Variants in KIF13B observed in about 807,000 individuals in gnomAD.
The protein encoded by KIF13B is kinesin family member 13B.
KIF13B carries 127 observed loss-of-function variants against 222.0 expected under a neutral mutation model. That is an observed-to-expected ratio of 0.57 (90% CI 0.50 to 0.66). The LOEUF is 0.66. Ranked by LOEUF, KIF13B falls within the 30% of genes least tolerant of loss-of-function variation. The pLI is 0.00. For synonymous variants in KIF13B, 976 were observed against 919.0 expected, an observed-to-expected ratio of 1.06 and a Z score of -1.12; for missense variants, 2,173 against 2,379.0, an observed-to-expected ratio of 0.91 and a Z score of 1.80.
chr8:29,249,149 C>T (rs748767682), intron 1 of KIF13B, among the ~76,000 whole-genome samples: 4 of 152,110 alleles, frequency 2.6e-5, no homozygotes, highest in Non-Finnish European at 4.4e-5. Flanking sequence ...TAAGCTCTGC[C>T]GGGCACAGTG....
intron 2 of KIF13B, among the ~76,000 whole-genome samples, chr8:29,242,656 T>C (rs1815832844): frequency 6.6e-6 from 1 of 152,250 alleles, no homozygotes; most frequent in Non-Finnish European, 1.5e-5. Context: ...TAGACTGATC[T>C]GGTGGATTCA....
intron 37 of KIF13B, among the ~76,000 whole-genome samples, chr8:29,080,459 G>A (rs1807758086): frequency 1.3e-5 from 2 of 152,280 alleles, no homozygotes; most frequent in Admixed American, 1.3e-4. Context: ...CCGGGAGGCG[G>A]GCGGGGAGAA....
intron 30 of KIF13B, 21 bp from the exon 31 acceptor site, chr8:29,117,028 A>G (rs1363229866): frequency 2.0e-6 from 3 of 1,534,320 alleles, no homozygotes; most frequent in Admixed American, 2.0e-5. Flanking sequence ...GACAGAGAGG[A>G]AACAGGTTTC....
chr8:29,137,453 T>G (rs1287868878), intron 21 of KIF13B, among the ~76,000 whole-genome samples: 1 of 152,254 alleles, frequency 6.6e-6, no homozygotes, highest in Non-Finnish European at 1.5e-5. Flanking sequence ...CAGGCACGGA[T>G]GCTGCGCCCA....
Position 29,140,636 on chromosome 8 carries a change from C to G in KIF13B, c.2335-19G>C. Reference sequence around the variant, plus strand: ...GTATTACCTGTAAAGAGATTGAGAACACACAACTTCAGAAAAACCATTTAC... The same window carrying G: ...GTATTACCTGTAAAGAGATTGAGAAGACACAACTTCAGAAAAACCATTTAC... On this transcript the variant is annotated intron_variant, in intron 19 of 39. Coordinates refer to ENST00000524189, the MANE Select transcript of KIF13B (RefSeq NM_015254.4). 6.3e-7 allele frequency: 1 copy of G among 1,598,230 alleles called. No individual in the cohort carries two copies. Among genetic ancestry groups the G allele is most frequent in the Non-Finnish European group, 8.5e-7 (1 of 1,170,116 alleles).
Position 29,167,595 on chromosome 8 carries a change from A to G in KIF13B, c.946-10T>C, listed in dbSNP as rs755825670. The G allele has an allele frequency of 8.1e-6, 13 of 1,610,970 alleles. No individual in the cohort carries two copies. The highest frequency in any genetic ancestry group is 3.3e-5 in the Admixed American group (2 of 59,984). ...TACCCCCGAGGCTGTCCTACAGGAG[A>G]AAACAGAAAGTTGAGTAGCATATTA... On this transcript the variant is annotated splice_polypyrimidine_tract_variant and intron_variant, in intron 10 of 39. Coordinates refer to ENST00000524189, the MANE Select transcript of KIF13B (RefSeq NM_015254.4).
chr8:29,187,924 T>C (rs1044624569), intron 5 of KIF13B, among the ~76,000 whole-genome samples: 6 of 152,014 alleles, frequency 3.9e-5, no homozygotes, highest in Non-Finnish European at 8.8e-5. Context: ...CAGGTCTCTC[T>C]GCTGGCCAGC....
chr8:29,124,736 T>C (rs1810031341), intron 26 of KIF13B, among the ~76,000 whole-genome samples: 1 of 151,870 alleles, frequency 6.6e-6, no homozygotes, highest in South Asian at 2.1e-4. Context: ...ATACAAAAAT[T>C]AGCCAGGCGT....
At chr8:29,160,034 A>G (rs1379885594) in intron 13 of KIF13B, among the ~76,000 whole-genome samples, 7 of 148,416 alleles carry the variant, frequency 4.7e-5, no homozygotes, top group Admixed American at 6.6e-5. Context: ...TCCATCATAT[A>G]TGATAAGTAA....
intron 2 of KIF13B, among the ~76,000 whole-genome samples, chr8:29,224,606 A>G (rs971302791): frequency 4.6e-5 from 7 of 152,180 alleles, no homozygotes; most frequent in African/African-American, 1.2e-4. Flanking sequence ...GCTAAATTTC[A>G]TTTGTAAGTT....
At chr8:29,097,941 G>T (rs931293257) in intron 36 of KIF13B, among the ~76,000 whole-genome samples, 1 of 151,896 alleles carries the variant, frequency 6.6e-6, no homozygotes, top group African/African-American at 2.4e-5. Context: ...GGAGGCCAAG[G>T]CCGGCAGATC....
In KIF13B at chr8:29,108,030, G is replaced by A. The variant is rs1279770489; in HGVS notation, c.4215+109C>T. On this transcript the variant is annotated intron_variant, in intron 35 of 39. Coordinates refer to ENST00000524189, the MANE Select transcript of KIF13B (RefSeq NM_015254.4). ...TTTCAAGTAAGTTTCACATAATACA[G>A]ATGAGTAGAGGAAATTCTGGCTTGC... is the stretch of plus-strand genomic sequence containing the variant. 25 of 853,292 alleles carry A rather than the reference G, an allele frequency of 2.9e-5. No homozygotes were observed. The East Asian group carries it at 6.4e-4, about 22-fold the overall frequency. The allele number at this position is 853,292 out of a possible 1,614,324, so 52.9% of individuals were successfully genotyped here. A position where few individuals can be genotyped will look rare whatever the true frequency, so the allele number is the denominator to read the frequency against.
intron 37 of KIF13B, among the ~76,000 whole-genome samples, chr8:29,091,460 T>C (rs1204278452): frequency 2.6e-5 from 4 of 152,218 alleles, no homozygotes; most frequent in Admixed American, 2.6e-4. Flanking sequence ...GATAGCAGAC[T>C]TCACTGAATA....
intron 2 of KIF13B, among the ~76,000 whole-genome samples, chr8:29,229,744 A>G (rs990026355): frequency 6.6e-6 from 1 of 152,224 alleles, no homozygotes; most frequent in Admixed American, 6.5e-5. Context: ...GGAAACCCAC[A>G]ATCCCTTAAA....
In KIF13B at chr8:29,135,762, G is replaced by A. The variant is rs376719981; in HGVS notation, c.2614-1552C>T. Reference sequence around the variant, plus strand: ...TTACAAAAATTAGCCAGATGTGGTGGCACATGCCTGTAGTCCCAGCTACTC... The same window carrying A: ...TTACAAAAATTAGCCAGATGTGGTGACACATGCCTGTAGTCCCAGCTACTC... On this transcript the variant is annotated intron_variant, in intron 21 of 39. Coordinates refer to ENST00000524189, the MANE Select transcript of KIF13B (RefSeq NM_015254.4). 2.4e-3 allele frequency among the ~76,000 whole-genome samples: 372 copies of A among 152,252 alleles called. 2 individuals carry two copies. The highest frequency in any genetic ancestry group is 8.5e-3 in the African/African-American group (352 of 41,550).
chr8:29,118,868 C>T lies in KIF13B; in HGVS notation c.3660G>A (p.Glu1220=). Residue 1220 remains glutamate (E), a splice_region_variant and synonymous_variant, in exon 30 of 40, where the codon GAG becomes GAA. Transcript: ENST00000524189. ...CCATCCCAAGTTAGGCTTTCCTTAC[C>T]TCCCCATCATGCTGCTTCACAATCT... The part of the protein sequence containing the change: ...ELQIVKQHDG[E]VKAEASWDSA... 3.1e-6 allele frequency: 5 copies of T among 1,613,548 alleles called. No homozygotes were observed. The highest frequency in any genetic ancestry group is 4.2e-6 in the Non-Finnish European group (5 of 1,179,708).
intron 2 of KIF13B, among the ~76,000 whole-genome samples, chr8:29,209,885 C>CAAAAAAAA (rs11414197): frequency 9.3e-6 from 1 of 107,510 alleles, no homozygotes; most frequent in Non-Finnish European, 1.8e-5. Context: ...TACCTCTCCA[C>CAAAAAAAA]AAAAAAAAAA....
At chr8:29,181,156 T>C (rs1357613639) in intron 7 of KIF13B, among the ~76,000 whole-genome samples, 1 of 152,180 alleles carries the variant, frequency 6.6e-6, no homozygotes, top group Non-Finnish European at 1.5e-5. Flanking sequence ...AGGCATGCTA[T>C]CTCGTGTTGG....
At chr8:29,084,661 T>C (rs1286243900) in intron 37 of KIF13B, among the ~76,000 whole-genome samples, 1 of 152,194 alleles carries the variant, frequency 6.6e-6, no homozygotes, top group Non-Finnish European at 1.5e-5. Flanking sequence ...AAAGACGCCA[T>C]TTACAGTTCC....
Sources: gnomAD v4.1 joint callset for allele counts (sites outside exome capture counted in the v4.1 genomes callset) on GRCh38, gnomAD v4.1.1 for gene constraint, MANE v1.5 for transcripts, NCBI Gene and HGNC (gene_info 2026-07-23, HGNC 2026-07-21) for gene names.